VWA8: variants seen among roughly 807,000 people sequenced by gnomAD.
VWA8 encodes von Willebrand factor A domain containing 8.
In VWA8, 221 loss-of-function variants were observed where a neutral mutation model predicts 241.5. The ratio of observed to expected loss-of-function variants is 0.91; its 90% confidence interval spans 0.82 to 1.02. The LOEUF (loss-of-function observed/expected upper bound fraction) is 1.02, where lower values mean the gene tolerates loss of function less well. VWA8 is among the 50% of genes least tolerant of loss of function. The pLI, the probability that VWA8 is intolerant of heterozygous loss-of-function variation, is 0.00. For synonymous variants in VWA8, 852 were observed against 827.1 expected, an observed-to-expected ratio of 1.03 and a Z score of -0.52; for missense variants, 2,322 against 2,328.7, an observed-to-expected ratio of 1.00 and a Z score of 0.06.
At chr13:41,816,888 A>C (rs1301935559) in intron 15 of VWA8, 113 bp from the exon 16 acceptor site, 1 of 848,568 alleles carries the variant, frequency 1.2e-6, no homozygotes, top group South Asian at 1.7e-5. Flanking sequence ...TTTTTAGAAA[A>C]GTCATTCATT....
chr13:41,671,547 C>T (rs1256073897), intron 36 of VWA8, among the ~76,000 whole-genome samples: 1 of 151,578 alleles, frequency 6.6e-6, no homozygotes, highest in East Asian at 1.9e-4. Flanking sequence ...TATCCGCATC[C>T]CCCCGCCCGC....
At chr13:41,903,893 C>T (rs1875576822) in intron 4 of VWA8, among the ~76,000 whole-genome samples, 1 of 152,044 alleles carries the variant, frequency 6.6e-6, no homozygotes, top group Non-Finnish European at 1.5e-5. Context: ...CAGATAAGAC[C>T]TCAAAACGTC....
chr13:41,570,484 C>A lies in VWA8; in HGVS notation c.5593G>T (p.Gly1865Cys). Residue 1865 changes from glycine (G) to cysteine (C), a missense_variant, in exon 44 of 45, where the codon GGT (glycine) becomes TGT (cysteine). Transcript: ENST00000379310. ...NAFAIFIGSL[G>C]DQATRLQRTL... ...GACACTTACCTGGTTGCTTGATCACCTAAAGAGCCAATAAAAATGGCAAAA... is the reference window on the plus strand; with the variant it reads ...GACACTTACCTGGTTGCTTGATCACATAAAGAGCCAATAAAAATGGCAAAA... 6.2e-7 allele frequency: 1 copy of A among 1,614,108 alleles called. No homozygotes were observed. Among genetic ancestry groups the A allele is most frequent in the East Asian group, 2.2e-5 (1 of 44,888 alleles).
At position 41,615,227 on chromosome 13, in the gene VWA8, T is replaced by C. The variant is rs2044613660; in HGVS notation, c.4612-143A>G. ...TGGACTTGATAAATGCTGTGAGTAT[T>C]TGGCAAAAATTCCATCAGATGGATT... On this transcript the variant is annotated intron_variant, in intron 37 of 44. Transcript: ENST00000379310. 6.8e-6 allele frequency: 5 copies of C among 735,366 alleles called. No individual in the cohort carries two copies. In the East Asian group the frequency reaches 1.4e-4, roughly 21 times the overall value. 45.6% of individuals were successfully genotyped at this position (735,366 alleles called of 1,614,324 possible).
At chr13:41,814,263 A>C (rs1229094079) in intron 16 of VWA8, among the ~76,000 whole-genome samples, 1 of 152,210 alleles carries the variant, frequency 6.6e-6, no homozygotes, top group Non-Finnish European at 1.5e-5. Context: ...ATTATAATAC[A>C]ACTGCAATAG....
intron 1 of VWA8, among the ~76,000 whole-genome samples, chr13:41,954,011 T>C (rs1878249998): frequency 6.6e-6 from 1 of 152,094 alleles, no homozygotes; most frequent in South Asian, 2.1e-4. Flanking sequence ...AGGGTGGTGA[T>C]CAATGAGCCA....
chr13:41,900,427 A>G (rs1386980584), intron 4 of VWA8, among the ~76,000 whole-genome samples: 2 of 152,296 alleles, frequency 1.3e-5, no homozygotes, highest in East Asian at 3.9e-4. Context: ...TTCAGAAAAA[A>G]ATGCAGCAGG....
intron 3 of VWA8, among the ~76,000 whole-genome samples, chr13:41,908,484 A>C (rs1875832121): frequency 6.6e-6 from 1 of 152,144 alleles, no homozygotes; most frequent in Non-Finnish European, 1.5e-5. Flanking sequence ...GGGAAAAAAA[A>C]CAAACAAACC....
chr13:41,605,466 T>C (rs2044547959), intron 39 of VWA8, among the ~76,000 whole-genome samples, 190 bp from the exon 40 acceptor site: 1 of 152,158 alleles, frequency 6.6e-6, no homozygotes, highest in East Asian at 1.9e-4. Flanking sequence ...AGTAGTGTGC[T>C]AGTAAATGGT....
Position 41,865,772 on chromosome 13 carries a change from G to C in VWA8, c.1389C>G (p.Thr463=). 6.2e-7 allele frequency: 1 copy of C among 1,614,084 alleles called. No individual in the cohort carries two copies. Among genetic ancestry groups the C allele is most frequent in the Non-Finnish European group, 8.5e-7 (1 of 1,180,032 alleles). ...KTVIAKNFAD[T]LGYNIEPIML... ...TAATAGGTTCTATGTTGTATCCTAA[G>C]GTATCGGCAAAGTTCTTAGCGATCA... The change falls in exon 12 of 45, where the codon ACC becomes ACG. Residue 463 remains threonine (T), a synonymous_variant. Transcript: ENST00000379310.
intron 2 of VWA8, among the ~76,000 whole-genome samples, chr13:41,948,110 C>T (rs187283615): frequency 1.6e-3 from 236 of 151,852 alleles, no homozygotes; most frequent in South Asian, 9.4e-3. Flanking sequence ...CACAATAGTC[C>T]GAAAGTGGAA....
intron 3 of VWA8, among the ~76,000 whole-genome samples, chr13:41,910,657 C>T (rs1326586710): frequency 1.3e-5 from 2 of 151,770 alleles, no homozygotes; most frequent in Admixed American, 1.3e-4. Context: ...ACTTCGCATT[C>T]TTAGATAAGA....
At chr13:41,891,338 A>G (rs1224496222) in intron 5 of VWA8, 82 bp downstream of exon 5, 9 of 1,536,360 alleles carry the variant, frequency 5.9e-6, no homozygotes, top group Non-Finnish European at 8.0e-6. Context: ...CCTGATTCCA[A>G]CAGAGCCATG....
At position 41,907,365 on chromosome 13, in the gene VWA8, G is replaced by A. The variant is rs554346747; in HGVS notation, c.483+221C>T. ...TGAAATCAGCACATTGATCTTTAAC[G>A]TTTTAGAACCATTAATTTCATCTAG... On this transcript the variant is annotated intron_variant, in intron 4 of 44. Coordinates refer to ENST00000379310, the MANE Select transcript of VWA8 (RefSeq NM_015058.2). Among the ~76,000 whole-genome samples, 118 of 152,212 alleles carry A rather than the reference G, an allele frequency of 7.8e-4. 1 individual carries two copies. The South Asian group carries it at 0.014, about 18-fold the overall frequency.
At chr13:41,822,417 C>G (rs531365038) in intron 14 of VWA8, among the ~76,000 whole-genome samples, 4 of 152,158 alleles carry the variant, frequency 2.6e-5, no homozygotes. Context: ...CATATTTCCC[C>G]TTTTTCCTAT....
chr13:41,727,412 A>ATT lies in VWA8; in HGVS notation c.2639-101_2639-100dup, dbSNP rs974515924. 163 of 994,126 alleles carry ATT rather than the reference A, an allele frequency of 1.6e-4. No individual in the cohort carries two copies. The African/African-American group carries it at 2.3e-3, about 14-fold the overall frequency. The allele number at this position is 994,126 out of a possible 1,614,324, so 61.6% of individuals were successfully genotyped here. A position where few individuals can be genotyped will look rare whatever the true frequency, so the allele number is the denominator to read the frequency against. On this transcript the variant is annotated intron_variant, in intron 23 of 44. Transcript: ENST00000379310. ...ATAACATAAATAGTTATACTGTTCA[A>ATT]TTGTAAAAAGCTCTAAGATATTTGG...
chr13:41,883,581 T>A, intron 8 of VWA8, 90 bp from the exon 9 acceptor site: 3 of 962,404 alleles, frequency 3.1e-6, no homozygotes, highest in Non-Finnish European at 4.8e-6. Flanking sequence ...TAAAATTGAC[T>A]TATAAAAGTA....
intron 9 of VWA8, among the ~76,000 whole-genome samples, chr13:41,873,181 C>T (rs2138060815): frequency 6.6e-6 from 1 of 152,096 alleles, no homozygotes; most frequent in African/African-American, 2.4e-5. Flanking sequence ...ACATTCAAAG[C>T]AGTGTGTAGA....
At chr13:41,597,921 T>C (rs1273211020) in intron 40 of VWA8, among the ~76,000 whole-genome samples, 1 of 152,006 alleles carries the variant, frequency 6.6e-6, no homozygotes, top group South Asian at 2.1e-4. Flanking sequence ...CCAGCAGTAT[T>C]TGACCATCTC....
Sources: gnomAD v4.1 joint callset for allele counts (sites outside exome capture counted in the v4.1 genomes callset) on GRCh38, gnomAD v4.1.1 for gene constraint, MANE v1.5 for transcripts, NCBI Gene and HGNC (gene_info 2026-07-23, HGNC 2026-07-21) for gene names.